Variants in SND1 observed in about 807,000 individuals in gnomAD.
The protein encoded by SND1 is staphylococcal nuclease and tudor domain containing 1, also known as staphylococcal nuclease domain-containing protein 1.
SND1 carries 38 observed loss-of-function variants against 121.7 expected under a neutral mutation model. The observed-to-expected ratio is 0.31, with a 90% CI of 0.24 to 0.41. The LOEUF (loss-of-function observed/expected upper bound fraction) is 0.41, where lower values mean the gene tolerates loss of function less well. Ranked by LOEUF, SND1 falls within the 10% of genes least tolerant of loss-of-function variation. The pLI is 1.00. For synonymous variants in SND1, 401 were observed against 447.4 expected (o/e 0.90, Z 1.31); for missense variants, 868 against 1,184.6 (o/e 0.73, Z 3.92).
chr7:127,997,879 G>A (rs1412437590), intron 16 of SND1: 1 of 534,766 alleles, frequency 1.9e-6, no homozygotes, highest in Non-Finnish European at 3.8e-6. Context: ...TCTGGAAGGT[G>A]CACCACCTTT....
chr7:128,023,708 G>A (rs545194238), intron 16 of SND1, among the ~76,000 whole-genome samples: 52 of 152,250 alleles, frequency 3.4e-4, no homozygotes, highest in Middle Eastern at 3.4e-3. Context: ...AGCACAATAG[G>A]CATGTCTCTC....
intron 12 of SND1, among the ~76,000 whole-genome samples, chr7:127,861,999 T>G (rs1470941272): frequency 1.3e-5 from 2 of 152,204 alleles, no homozygotes; most frequent in Admixed American, 6.5e-5. Context: ...CAATAAGACA[T>G]TAGTATTCGT....
At chr7:127,721,212 G>C (rs1796489972) in intron 9 of SND1, 75 bp from the exon 10 acceptor site, 1 of 890,546 alleles carries the variant, frequency 1.1e-6, no homozygotes, top group East Asian at 2.5e-5. Context: ...TACCTGTGAG[G>C]GTGGTGGGCC....
chr7:128,021,936 G>T (rs140125881), intron 16 of SND1, among the ~76,000 whole-genome samples: 90 of 152,258 alleles, frequency 5.9e-4, no homozygotes, highest in Admixed American at 1.4e-3. Context: ...GGGTACAGTG[G>T]CTGACGCCTG....
intron 1 of SND1, among the ~76,000 whole-genome samples, chr7:127,657,764 G>A (rs933551669): frequency 4.6e-5 from 7 of 152,150 alleles, no homozygotes; most frequent in African/African-American, 1.7e-4. Flanking sequence ...CTCCCAAAGT[G>A]CTGGGTTTAT....
chr7:127,728,298 A>T (rs553203767), intron 10 of SND1, among the ~76,000 whole-genome samples: 1 of 152,004 alleles, frequency 6.6e-6, no homozygotes, highest in Non-Finnish European at 1.5e-5. Context: ...ATTTACTTCT[A>T]TCAATCCATA....
intron 2 of SND1, 138 bp from the exon 3 acceptor site, chr7:127,694,690 T>G (rs1795977818): frequency 1.0e-6 from 1 of 983,294 alleles, no homozygotes; most frequent in Non-Finnish European, 1.5e-6. Context: ...CATTTCATTT[T>G]TATATTCTCA....
chr7:128,036,252 A>C (rs941543304), intron 16 of SND1, among the ~76,000 whole-genome samples: 1 of 152,272 alleles, frequency 6.6e-6, no homozygotes, highest in East Asian at 1.9e-4. Flanking sequence ...GCAAACACCT[A>C]TCAGGGACAA....
intron 12 of SND1, among the ~76,000 whole-genome samples, chr7:127,872,853 G>A (rs1439850105): frequency 6.6e-6 from 1 of 152,160 alleles, no homozygotes; most frequent in Non-Finnish European, 1.5e-5. Flanking sequence ...GAAAATGAAT[G>A]TAGTTGGGGA....
intron 1 of SND1, among the ~76,000 whole-genome samples, chr7:127,656,678 T>TA (rs1167299885): frequency 1.3e-5 from 2 of 152,248 alleles, no homozygotes; most frequent in Non-Finnish European, 2.9e-5. Flanking sequence ...TGCTCGTTCT[T>TA]ACGTGTACTT....
chr7:128,058,318 A>G (rs554927706), intron 16 of SND1, among the ~76,000 whole-genome samples: 2 of 152,378 alleles, frequency 1.3e-5, no homozygotes, highest in Admixed American at 6.5e-5. Context: ...TAAGAGCTTG[A>G]TATATATTAA....
chr7:127,765,411 ATCT>A (rs1272254235), intron 10 of SND1, among the ~76,000 whole-genome samples: 2 of 152,250 alleles, frequency 1.3e-5, no homozygotes, highest in Admixed American at 6.5e-5. Context: ...TCACTCAGAC[ATCT>A]TCTTTGTGTT....
intron 10 of SND1, among the ~76,000 whole-genome samples, chr7:127,770,469 C>T (rs1797494546): frequency 6.6e-6 from 1 of 152,074 alleles, no homozygotes; most frequent in Admixed American, 6.6e-5. Flanking sequence ...GATCACTTTA[C>T]CTGCACTATC....
At chr7:127,865,127 G>C (rs918512058) in intron 12 of SND1, among the ~76,000 whole-genome samples, 1 of 152,200 alleles carries the variant, frequency 6.6e-6, no homozygotes, top group Non-Finnish European at 1.5e-5. Flanking sequence ...TCAGCAGTTA[G>C]GCAGGAATTC....
chr7:128,042,527 GT>G (rs1792874147), intron 16 of SND1: 1 of 152,338 alleles, frequency 6.6e-6, no homozygotes, highest in Non-Finnish European at 1.5e-5. Flanking sequence ...TGGGGATGTC[GT>G]CATTCTTCTC....
intron 12 of SND1, among the ~76,000 whole-genome samples, chr7:127,862,877 C>T (rs1038901651): frequency 3.3e-5 from 5 of 152,324 alleles, no homozygotes; most frequent in African/African-American, 1.2e-4. Flanking sequence ...CTGACAGCTT[C>T]GTCTCCTAGA....
intron 12 of SND1, among the ~76,000 whole-genome samples, chr7:127,879,919 G>T (rs1444445749): frequency 6.6e-6 from 1 of 152,190 alleles, no homozygotes; most frequent in Non-Finnish European, 1.5e-5. Context: ...ATATGTGTGT[G>T]CATGCATGCA....
chr7:127,771,043 A>G (rs1797504130), intron 10 of SND1, among the ~76,000 whole-genome samples: 1 of 152,216 alleles, frequency 6.6e-6, no homozygotes, highest in African/African-American at 2.4e-5. Flanking sequence ...TGGAAGCATC[A>G]AACAGCTGTC....
chr7:127,929,487 T>C (rs1247355042), intron 15 of SND1, among the ~76,000 whole-genome samples, 158 bp downstream of exon 15: 4 of 152,160 alleles, frequency 2.6e-5, no homozygotes, highest in Non-Finnish European at 5.9e-5. Flanking sequence ...GATTGGATCC[T>C]CCTGTGCCTG....
Sources: allele counts gnomAD v4.1 joint callset (sites outside exome capture counted in the v4.1 genomes callset), GRCh38; gene constraint gnomAD v4.1.1; transcripts MANE v1.5; gene names NCBI Gene and HGNC (gene_info 2026-07-23, HGNC 2026-07-21).